Variants in AVEN observed in about 807,000 individuals in gnomAD.
AVEN encodes cell death regulator Aven.
Under a neutral mutation model 38.1 loss-of-function variants are expected in AVEN, and 41 were observed. That is an observed-to-expected ratio of 1.08 (90% confidence interval 0.84 to 1.40). The LOEUF is 1.40. AVEN is among the 40% of genes most tolerant of loss of function. The pLI, the probability that AVEN is intolerant of heterozygous loss-of-function variation, is 0.00. For missense variants in AVEN, 605 were observed against 438.8 expected (o/e 1.38, Z -3.38); for synonymous variants, 206 against 171.8 (o/e 1.20, Z -1.56).
chr15:33,898,471 C>T (rs11072795), intron 2 of AVEN, among the ~76,000 whole-genome samples: 80,387 of 151,876 alleles, frequency 0.53, 23,907 homozygotes, highest in Non-Finnish European at 0.66. Context: ...AGGAGCTTCC[C>T]CTCATCTTCC....
chr15:33,933,206 C>T lies in AVEN; in HGVS notation c.446-57211G>A, dbSNP rs79168409. ...AAAGGTTATTATTATAGGTAGGTTA[C>T]GACAACTCTGTGTCGTTAGATAAGA... On this transcript the variant is annotated intron_variant, in intron 2 of 5. Coordinates refer to ENST00000306730, the MANE Select transcript of AVEN (RefSeq NM_020371.3). 7.4e-3 allele frequency among the ~76,000 whole-genome samples: 1,120 copies of T among 152,176 alleles called. 3 individuals are homozygous for T. Among genetic ancestry groups the T allele is most frequent in the Non-Finnish European group, 0.012 (796 of 67,996 alleles).
chr15:34,016,396 A>C (rs1026126196), intron 1 of AVEN, among the ~76,000 whole-genome samples: 7 of 152,182 alleles, frequency 4.6e-5, no homozygotes, highest in African/African-American at 1.7e-4. Context: ...TTGGGCTCGC[A>C]TGGGTACTGA....
At chr15:33,903,038 TA>T (rs1205030131) in intron 2 of AVEN, among the ~76,000 whole-genome samples, 1 of 152,150 alleles carries the variant, frequency 6.6e-6, no homozygotes, top group Non-Finnish European at 1.5e-5. Context: ...CCTCACCTTA[TA>T]AAACAGAGCC....
rs145396493 is a variant in AVEN at position 33,990,259 on chromosome 15, A to G, written c.445+12773T>C. Among the ~76,000 whole-genome samples the G allele has an allele frequency of 3.2e-3, 481 of 152,104 alleles. 3 individuals carry two copies. The highest frequency in any genetic ancestry group is 5.0e-3 in the Non-Finnish European group (337 of 67,936). Reference sequence around the variant, plus strand: ...TAGCCAGGCGTTGAGGTGCGTGCCTATAGTCCCAGCTACTCAGGAGGCTAA... The same window carrying G: ...TAGCCAGGCGTTGAGGTGCGTGCCTGTAGTCCCAGCTACTCAGGAGGCTAA... On this transcript the variant is annotated intron_variant, in intron 2 of 5. Transcript: ENST00000306730.
At chr15:33,995,124 G>A (rs1468764748) in intron 2 of AVEN, among the ~76,000 whole-genome samples, 1 of 152,050 alleles carries the variant, frequency 6.6e-6, no homozygotes, top group Non-Finnish European at 1.5e-5. Context: ...TCAGCCAGGT[G>A]TGGGTGGCAC....
chr15:33,877,968 A>G (rs1030106990), intron 2 of AVEN, among the ~76,000 whole-genome samples: 8 of 152,174 alleles, frequency 5.3e-5, no homozygotes, highest in Admixed American at 5.2e-4. Flanking sequence ...AATAATAAAT[A>G]AATAAAACAA....
chr15:33,932,505 G>A (rs771809101), intron 2 of AVEN, among the ~76,000 whole-genome samples: 8 of 152,154 alleles, frequency 5.3e-5, no homozygotes, highest in Non-Finnish European at 7.4e-5. Flanking sequence ...AATAAGAAAT[G>A]GTCTCCTTAA....
intron 4 of AVEN, 64 bp from the exon 5 acceptor site, chr15:33,867,919 A>G: frequency 1.3e-6 from 2 of 1,504,782 alleles, no homozygotes; most frequent in Non-Finnish European, 1.8e-6. Context: ...TTAAGTAAAT[A>G]CATAGGAGGC....
intron 3 of AVEN, among the ~76,000 whole-genome samples, chr15:33,873,726 C>T (rs1016822608): frequency 3.3e-5 from 5 of 152,008 alleles, no homozygotes; most frequent in Non-Finnish European, 7.4e-5. Flanking sequence ...CCTACCAACA[C>T]CTCCAACTCG....
downstream of AVEN, among the ~76,000 whole-genome samples, chr15:33,861,983 T>C (rs2153020532): frequency 6.6e-6 from 1 of 152,152 alleles, no homozygotes; most frequent in African/African-American, 2.4e-5. Context: ...AACTAATAAG[T>C]GTTTCACTTA....
At chr15:33,923,217 G>T (rs1893472358) in intron 2 of AVEN, among the ~76,000 whole-genome samples, 1 of 152,150 alleles carries the variant, frequency 6.6e-6, no homozygotes, top group South Asian at 2.1e-4. Context: ...GTAGAAAAAA[G>T]AACTAGTAAT....
chr15:33,933,524 C>CACACAGAGAGAG (rs1893945145), intron 2 of AVEN, among the ~76,000 whole-genome samples: 2 of 46,650 alleles, frequency 4.3e-5, no homozygotes, highest in Non-Finnish European at 8.9e-5. Context: ...CACACACACA[C>CACACAGAGAGAG]AGAGAGAGAG....
chr15:33,866,645 G>T lies in AVEN; in HGVS notation c.1057C>A (p.Leu353Met), dbSNP rs763156804. Residue 353 changes from leucine (L) to methionine (M), a missense_variant, in exon 6 of 6, where the codon CTG (leucine) becomes ATG (methionine). Physicochemically the swap from Leu to Met is conservative, Grantham distance 15. Transcript: ENST00000306730. ...STSKNVTEEE[L>M]EDWLDSMIS ...ATCATGCTGTCCAACCAGTCTTCCA[G>T]CTCTTCCTCGGTAACATTTTTGGAG... The T allele has an allele frequency of 7.6e-5, 123 of 1,613,814 alleles. No individual in the cohort carries two copies. The highest frequency in any genetic ancestry group is 1.0e-4 in the Non-Finnish European group (119 of 1,179,888).
rs145191624 is a variant in AVEN at position 33,940,355 on chromosome 15, T to C, written c.445+62677A>G. 1.0e-3 allele frequency among the ~76,000 whole-genome samples: 156 copies of C among 152,302 alleles called. 1 individual carries two copies. Among genetic ancestry groups the C allele is most frequent in the African/African-American group, 3.5e-3 (147 of 41,558 alleles). ...ATAAAACAAATTTGCTTTTTCCTCTTCTCAACCTTTCAGCTCTTCCCTAAG... is the reference window on the plus strand; with the variant it reads ...ATAAAACAAATTTGCTTTTTCCTCTCCTCAACCTTTCAGCTCTTCCCTAAG... On this transcript the variant is annotated intron_variant, in intron 2 of 5. Coordinates refer to ENST00000306730, the MANE Select transcript of AVEN (RefSeq NM_020371.3).
chr15:33,946,192 C>A (rs531568174), intron 2 of AVEN, among the ~76,000 whole-genome samples: 10 of 152,238 alleles, frequency 6.6e-5, no homozygotes, highest in African/African-American at 2.4e-4. Context: ...ATATATATAT[C>A]TGGAAGCATA....
chr15:33,921,488 A>C (rs28730936), intron 2 of AVEN, among the ~76,000 whole-genome samples: 5,241 of 152,292 alleles, frequency 0.034, 311 homozygotes, highest in African/African-American at 0.12. Flanking sequence ...CAAAGAAATA[A>C]GGAAGGCACA....
intron 5 of AVEN, among the ~76,000 whole-genome samples, chr15:34,060,929 T>C (rs1045953997): frequency 2.0e-5 from 3 of 150,158 alleles, no homozygotes; most frequent in African/African-American, 7.4e-5. Context: ...GGCAGGAGAA[T>C]GGCGTGAACC....
At chr15:33,857,990 G>A (rs1205259349), downstream of AVEN, 2 of 1,580,494 alleles carry the variant, frequency 1.3e-6, no homozygotes, top group Non-Finnish European at 1.7e-6. Flanking sequence ...TGGGAAGAAG[G>A]GCTGTGTGGG....
In AVEN at chr15:34,032,023, G is replaced by GCACA. The variant is rs10643932; in HGVS notation, c.267+6753_267+6756dup. ...TCAACACACACATACGCGCGCACAC[G>GCACA]CACACACACACACACACAGGGCTTC... On this transcript the variant is annotated intron_variant, in intron 1 of 5. Transcript: ENST00000306730. Among the ~76,000 whole-genome samples, 145 of 149,010 alleles carry GCACA rather than the reference G, an allele frequency of 9.7e-4. 1 individual carries two copies. Among genetic ancestry groups the GCACA allele is most frequent in the African/African-American group, 2.2e-3 (88 of 40,356 alleles).
Sources: allele counts gnomAD v4.1 joint callset (sites outside exome capture counted in the v4.1 genomes callset), GRCh38; gene constraint gnomAD v4.1.1; transcripts MANE v1.5; gene names NCBI Gene and HGNC (gene_info 2026-07-23, HGNC 2026-07-21).